SERINC5: variants seen among roughly 807,000 people sequenced by gnomAD.
SERINC5 encodes chromosome 5 open reading frame 12.
SERINC5 carries 41 observed loss-of-function variants against 63.1 expected under a neutral mutation model. The ratio of observed to expected loss-of-function variants is 0.65; its 90% CI spans 0.51 to 0.84. The LOEUF (loss-of-function observed/expected upper bound fraction) is 0.84. Ranked by LOEUF, SERINC5 falls within the 40% of genes least tolerant of loss-of-function variation. SERINC5 has a pLI of 0.00. For missense variants in SERINC5, 523 were observed against 573.0 expected (o/e 0.91, Z 0.89); for synonymous variants, 222 against 215.2 (o/e 1.03, Z -0.28).
At chr5:80,135,403 A>G (rs1411424010), downstream of SERINC5, among the ~76,000 whole-genome samples, 1 of 152,200 alleles carries the variant, frequency 6.6e-6, no homozygotes. Flanking sequence ...AATCAGGTCC[A>G]GCTGTGTGTG....
chr5:80,251,221 G>A (rs1752396921), intron 1 of SERINC5, among the ~76,000 whole-genome samples: 1 of 152,030 alleles, frequency 6.6e-6, no homozygotes, highest in Admixed American at 6.6e-5. Flanking sequence ...GGAGGCTGCA[G>A]TGAGCTATGA....
Position 80,233,805 on chromosome 5 carries a change from C to CTTT in SERINC5, c.27+22088_27+22090dup, listed in dbSNP as rs373920343. 5.0e-3 allele frequency among the ~76,000 whole-genome samples: 350 copies of CTTT among 69,966 alleles called. 2 individuals are homozygous for CTTT. The highest frequency in any genetic ancestry group is 6.1e-3 in the Non-Finnish European group (241 of 39,410). 45.9% of individuals were successfully genotyped at this position (69,966 alleles called of 152,430 possible). A position where few individuals can be genotyped will look rare whatever the true frequency, so the allele number is the denominator to read the frequency against. ...TATTTTATAGATCTTTCAACTTTTACTTTTTTTTTTTTTTTTTTTTTTTTG... is the reference window on the plus strand; with the variant it reads ...TATTTTATAGATCTTTCAACTTTTACTTTTTTTTTTTTTTTTTTTTTTTTTTTG... On this transcript the variant is annotated intron_variant, in intron 1 of 11. Coordinates refer to ENST00000507668, the MANE Select transcript of SERINC5 (RefSeq NM_001174072.3).
chr5:80,209,752 A>C (rs1750343567), intron 1 of SERINC5, among the ~76,000 whole-genome samples: 2 of 152,268 alleles, frequency 1.3e-5, no homozygotes, highest in Non-Finnish European at 2.9e-5. Context: ...CTACTTGAGA[A>C]AAGTAAACGG....
intron 11 of SERINC5, among the ~76,000 whole-genome samples, chr5:80,123,897 C>T (rs1355191636): frequency 6.6e-6 from 1 of 152,144 alleles, no homozygotes; most frequent in African/African-American, 2.4e-5. Flanking sequence ...GCCTCTTGTT[C>T]TAAAACATCC....
intron 1 of SERINC5, among the ~76,000 whole-genome samples, chr5:80,248,428 T>A (rs1219341204): frequency 6.6e-6 from 1 of 152,146 alleles, no homozygotes; most frequent in Non-Finnish European, 1.5e-5. Context: ...TTGATTCACA[T>A]CCCGGTGGGA....
chr5:80,172,792 T>A (rs1747748329), intron 5 of SERINC5, among the ~76,000 whole-genome samples: 1 of 152,222 alleles, frequency 6.6e-6, no homozygotes, highest in African/African-American at 2.4e-5. Context: ...GCTGACTGGT[T>A]TGTGCGTGGG....
intron 1 of SERINC5, among the ~76,000 whole-genome samples, chr5:80,234,626 A>C (rs542006999): frequency 4.1e-4 from 63 of 152,326 alleles, no homozygotes; most frequent in African/African-American, 1.5e-3. Flanking sequence ...AATAAGCTTT[A>C]AAGTTGTTGA....
At chr5:80,195,662 G>C (rs925429803) in intron 2 of SERINC5, among the ~76,000 whole-genome samples, 1 of 152,190 alleles carries the variant, frequency 6.6e-6, no homozygotes, top group Non-Finnish European at 1.5e-5. Flanking sequence ...AGGAAATAAA[G>C]TAGCTCATCT....
intron 1 of SERINC5, among the ~76,000 whole-genome samples, chr5:80,248,894 T>C (rs1043798793): frequency 2.6e-5 from 4 of 152,238 alleles, no homozygotes; most frequent in Non-Finnish European, 5.9e-5. Flanking sequence ...AATGATGCCA[T>C]CTAACAGAGA....
intron 1 of SERINC5, among the ~76,000 whole-genome samples, chr5:80,209,975 G>A (rs978468602): frequency 4.6e-5 from 7 of 151,374 alleles, no homozygotes; most frequent in African/African-American, 1.7e-4. Flanking sequence ...CTCCCAAATA[G>A]CTGGGACCAC....
intron 1 of SERINC5, among the ~76,000 whole-genome samples, chr5:80,220,350 G>A (rs932562022): frequency 2.0e-5 from 3 of 152,134 alleles, no homozygotes; most frequent in Admixed American, 1.3e-4. Flanking sequence ...CTAGCACTCC[G>A]GCAACAAAAT....
intron 2 of SERINC5, among the ~76,000 whole-genome samples, chr5:80,197,597 CA>C (rs1749591857): frequency 6.6e-6 from 1 of 152,098 alleles, no homozygotes; most frequent in Non-Finnish European, 1.5e-5. Flanking sequence ...ATTGAGCTCT[CA>C]GGGGAGAAAG....
rs1747942156 is a variant in SERINC5, at chr5:80,175,036, C to T, written c.469G>A (p.Val157Met). 1.3e-6 allele frequency: 2 copies of T among 1,594,158 alleles called. No homozygotes were observed. Among genetic ancestry groups the T allele is most frequent in the Non-Finnish European group, 1.7e-6 (2 of 1,169,726 alleles). ...QDTFLNAWRY[V>M]GAVGGFLFIG... ...AAGAGGAAGCCTCCGACGGCTCCCA[C>T]ATAGCGCCAGGCTGCAAAAGACCAT... Residue 157 changes from valine (V) to methionine (M), a missense_variant, in exon 5 of 12, where the codon GTG becomes ATG. Physicochemically the swap from Val to Met is conservative, Grantham distance 21. Coordinates refer to ENST00000507668, the MANE Select transcript of SERINC5 (RefSeq NM_001174072.3).
chr5:80,213,794 A>C (rs1750541640), intron 1 of SERINC5, among the ~76,000 whole-genome samples: 1 of 152,080 alleles, frequency 6.6e-6, no homozygotes. Flanking sequence ...ATCCTACCCC[A>C]TATTAAAAGC....
chr5:80,125,230 C>A (rs1454143705), intron 11 of SERINC5, among the ~76,000 whole-genome samples: 1 of 152,220 alleles, frequency 6.6e-6, no homozygotes, highest in Non-Finnish European at 1.5e-5. Context: ...ACCACAATCT[C>A]TACCCTCAAT....
At position 80,169,310 on chromosome 5, in the gene SERINC5, G is replaced by A. The variant is rs377710295; in HGVS notation, c.763+25C>T. ...AGACACTTAGGAAAATATAAGTAAC[G>A]AAGAATGGAAAAAAACATGCTTACG... On this transcript the variant is annotated intron_variant, in intron 6 of 11. Coordinates refer to ENST00000507668, the MANE Select transcript of SERINC5 (RefSeq NM_001174072.3). 39 of 1,595,440 alleles carry A rather than the reference G, an allele frequency of 2.4e-5. No homozygotes were observed. In the African/African-American group the frequency reaches 3.9e-4, roughly 16 times the overall value.
At position 80,230,185 on chromosome 5, in the gene SERINC5, T is replaced by A. The variant is rs141160866; in HGVS notation, c.27+25711A>T. On this transcript the variant is annotated intron_variant, in intron 1 of 11. Transcript: ENST00000507668. ...CAAACCTCACACCTGACCAAAAACC[T>A]ATTGGCCAGGCACGGTGGTTCATAC... 6.9e-3 allele frequency among the ~76,000 whole-genome samples: 1,047 copies of A among 152,056 alleles called. 6 individuals are homozygous for A. The highest frequency in any genetic ancestry group is 0.024 in the Middle Eastern group (7 of 294).
At chr5:80,249,247 G>A (rs562604194) in intron 1 of SERINC5, among the ~76,000 whole-genome samples, 52 of 151,840 alleles carry the variant, frequency 3.4e-4, no homozygotes, top group Middle Eastern at 3.4e-3. Context: ...CCTGGGAGGC[G>A]GAGCTTGCAG....
At chr5:80,244,406 G>C (rs1454907487) in intron 1 of SERINC5, among the ~76,000 whole-genome samples, 1 of 151,794 alleles carries the variant, frequency 6.6e-6, no homozygotes, top group African/African-American at 2.4e-5. Context: ...AGTAGAGATG[G>C]GGTTTTACCA....
Sources: gnomAD v4.1 joint callset for allele counts (sites outside exome capture counted in the v4.1 genomes callset) on GRCh38, gnomAD v4.1.1 for gene constraint, MANE v1.5 for transcripts, NCBI Gene and HGNC (gene_info 2026-07-23, HGNC 2026-07-21) for gene names.